Variants in GNA12 observed in about 807,000 individuals in gnomAD.
GNA12 encodes guanine nucleotide-binding protein subunit alpha-12.
GNA12 carries 9 observed loss-of-function variants against 26.0 expected under a neutral mutation model. That is an observed-to-expected ratio of 0.35 (90% CI 0.21 to 0.60). GNA12 has a LOEUF of 0.60. GNA12 is among the 20% of genes least tolerant of loss of function. The probability of loss-of-function intolerance (pLI) is 0.78; values close to 1 mark genes in which losing one functional copy is unlikely to be tolerated. For missense variants in GNA12, 405 were observed against 525.8 expected, an observed-to-expected ratio of 0.77 and a Z score of 2.25; for synonymous variants, 264 against 219.6, an observed-to-expected ratio of 1.20 and a Z score of -1.79.
intron 2 of GNA12, among the ~76,000 whole-genome samples, chr7:2,766,676 G>A (rs1791813402): frequency 1.3e-5 from 2 of 152,084 alleles, no homozygotes; most frequent in Non-Finnish European, 1.5e-5. Flanking sequence ...GTGAGCCACC[G>A]CACCTGGCCA....
intron 2 of GNA12, among the ~76,000 whole-genome samples, chr7:2,772,772 C>A (rs1791981082): frequency 2.0e-5 from 3 of 152,130 alleles, no homozygotes; most frequent in Admixed American, 2.0e-4. Flanking sequence ...GCAAACCCAG[C>A]AATCCCACTC....
At position 2,804,324 on chromosome 7, in the gene GNA12, AAAG is replaced by A. The variant is rs200195213; in HGVS notation, c.310-9184_310-9182del. Among the ~76,000 whole-genome samples, 1,462 of 152,356 alleles carry A rather than the reference AAAG, an allele frequency of 9.6e-3. 9 individuals are homozygous for A. The highest frequency in any genetic ancestry group is 0.068 in the Middle Eastern group (20 of 292). On this transcript the variant is annotated intron_variant, in intron 1 of 3. Coordinates refer to ENST00000275364, the MANE Select transcript of GNA12 (RefSeq NM_007353.3). ...TGCAAATAATAAAGGTAAGTGTTTC[AAAG>A]AATTTGTTTTAGCAGAGACAGCTAT...
intron 2 of GNA12, among the ~76,000 whole-genome samples, chr7:2,759,306 A>G (rs1384408184): frequency 6.6e-6 from 1 of 152,206 alleles, no homozygotes; most frequent in African/African-American, 2.4e-5. Context: ...AAGGAAACAA[A>G]GCGCTAGCTG....
chr7:2,765,490 C>G (rs181184134), intron 2 of GNA12, among the ~76,000 whole-genome samples: 6 of 152,072 alleles, frequency 3.9e-5, no homozygotes, highest in Admixed American at 3.3e-4. Flanking sequence ...AATGAATGAG[C>G]GCGCAGGGAA....
At chr7:2,784,123 A>G (rs921576131) in intron 2 of GNA12, among the ~76,000 whole-genome samples, 1 of 152,152 alleles carries the variant, frequency 6.6e-6, no homozygotes, top group Non-Finnish European at 1.5e-5. Context: ...CATTTATTTT[A>G]TTATTTTATT....
chr7:2,796,588 G>A (rs1379171913), intron 1 of GNA12, among the ~76,000 whole-genome samples: 1 of 152,194 alleles, frequency 6.6e-6, no homozygotes, highest in Non-Finnish European at 1.5e-5. Context: ...GACAGGAAAA[G>A]ACTAAAATAC....
In GNA12 at chr7:2,728,917, G is replaced by A. The variant is rs1413357218; in HGVS notation, c.*2264C>T. The stretch of plus-strand genomic sequence containing the variant: ...GGGCGGTGGGGTCAGCGCTGAGCGG[G>A]TCAAGAGCCCGCGCCGGGGGCCATC... On this transcript the variant is annotated 3_prime_UTR_variant, in exon 4 of 4. Transcript: ENST00000275364. 2 of 152,408 alleles carry A rather than the reference G, an allele frequency of 1.3e-5. No homozygotes were observed. Among genetic ancestry groups the A allele is most frequent in the Non-Finnish European group, 2.9e-5 (2 of 68,052 alleles). The allele number at this position is 152,408 out of a possible 1,614,324, so 9.4% of individuals were successfully genotyped here.
In GNA12 at chr7:2,729,682, C is replaced by G. The variant is rs1042140149; in HGVS notation, c.*1499G>C. The G allele has an allele frequency of 1.3e-5, 2 of 152,386 alleles. No individual in the cohort carries two copies. Among genetic ancestry groups the G allele is most frequent in the Admixed American group, 1.3e-4 (2 of 15,304 alleles). The allele number at this position is 152,386 out of a possible 1,614,324, so 9.4% of individuals were successfully genotyped here. On this transcript the variant is annotated 3_prime_UTR_variant, in exon 4 of 4. Coordinates refer to ENST00000275364, the MANE Select transcript of GNA12 (RefSeq NM_007353.3). ...GGCTCGGGGCAGCACGGCCTCGGGACGAGGGCCCTGGGATATGTGACTGAG... is the reference window on the plus strand; with the variant it reads ...GGCTCGGGGCAGCACGGCCTCGGGAGGAGGGCCCTGGGATATGTGACTGAG...
intron 1 of GNA12, among the ~76,000 whole-genome samples, chr7:2,799,091 TG>T (rs1792747319): frequency 6.6e-6 from 1 of 152,218 alleles, no homozygotes; most frequent in African/African-American, 2.4e-5. Flanking sequence ...AGTTCTTAGA[TG>T]TGACTCCAAA....
At chr7:2,739,314 C>G (rs930373789) in intron 2 of GNA12, among the ~76,000 whole-genome samples, 3 of 152,096 alleles carry the variant, frequency 2.0e-5, no homozygotes, top group African/African-American at 7.3e-5. Context: ...CCTGACAACA[C>G]GAATCTGCTT....
intron 1 of GNA12, among the ~76,000 whole-genome samples, chr7:2,799,755 GA>G (rs1243963310): frequency 2.2e-4 from 33 of 152,130 alleles, no homozygotes; most frequent in Non-Finnish European, 8.8e-5. Context: ...ATACACAAGT[GA>G]AAAAGATGTT....
chr7:2,804,340 C>A (rs1233416692), intron 1 of GNA12, among the ~76,000 whole-genome samples: 1 of 152,200 alleles, frequency 6.6e-6, no homozygotes, highest in Admixed American at 6.5e-5. Flanking sequence ...TTTGTTTTAG[C>A]AGAGACAGCT....
At chr7:2,746,708 C>CA (rs1790779332) in intron 2 of GNA12, among the ~76,000 whole-genome samples, 1 of 152,004 alleles carries the variant, frequency 6.6e-6, no homozygotes, top group African/African-American at 2.4e-5. Flanking sequence ...AAAAACCCTT[C>CA]AAAAAATTAA....
intron 2 of GNA12, among the ~76,000 whole-genome samples, chr7:2,736,410 C>A (rs2693566): frequency 0.55 from 84,345 of 152,006 alleles, 23,921 homozygotes; most frequent in Non-Finnish European, 0.62. Context: ...CTGGGGCCAG[C>A]GGCCACTGAG....
chr7:2,842,517 C>T (rs2114985496), intron 1 of GNA12, among the ~76,000 whole-genome samples: 1 of 152,308 alleles, frequency 6.6e-6, no homozygotes, highest in South Asian at 2.1e-4. Context: ...AGGTTGGTCT[C>T]AAACTTCTGG....
intron 2 of GNA12, among the ~76,000 whole-genome samples, chr7:2,773,580 A>G (rs1228359278): frequency 6.6e-6 from 1 of 152,174 alleles, no homozygotes; most frequent in Non-Finnish European, 1.5e-5. Flanking sequence ...ACAAACAAAC[A>G]AAACCAGAAT....
At chr7:2,818,574 G>GC (rs1793268260) in intron 1 of GNA12, among the ~76,000 whole-genome samples, 1 of 152,236 alleles carries the variant, frequency 6.6e-6, no homozygotes, top group South Asian at 2.1e-4. Context: ...ACCAGCCTGG[G>GC]CAACATGGTG....
intron 2 of GNA12, among the ~76,000 whole-genome samples, chr7:2,735,820 G>A (rs1015396878): frequency 7.9e-5 from 12 of 152,188 alleles, no homozygotes; most frequent in African/African-American, 2.9e-4. Context: ...AGCCCAGGGG[G>A]TCCGTGGGAA....
At chr7:2,746,406 T>C (rs1236833175) in intron 2 of GNA12, among the ~76,000 whole-genome samples, 1 of 152,004 alleles carries the variant, frequency 6.6e-6, no homozygotes, top group African/African-American at 2.4e-5. Flanking sequence ...AACAACCTGC[T>C]CCTAAATGAC....
Sources: allele counts gnomAD v4.1 joint callset (sites outside exome capture counted in the v4.1 genomes callset), GRCh38; gene constraint gnomAD v4.1.1; transcripts MANE v1.5; gene names NCBI Gene and HGNC (gene_info 2026-07-23, HGNC 2026-07-21).